The following AGBL1 variants were observed in gnomAD, a reference collection of about 807,000 sequenced individuals.
AGBL1 encodes the protein cytosolic carboxypeptidase 4.
Under a neutral mutation model 118.9 loss-of-function variants are expected in AGBL1, and 130 were observed. The ratio of observed to expected loss-of-function variants is 1.09; its 90% confidence interval spans 0.95 to 1.26. The LOEUF is 1.26. Ranked by LOEUF, AGBL1 falls within the 50% of genes most tolerant of loss-of-function variation. The pLI is 0.00. For missense variants in AGBL1, 1,584 were observed against 1,298.1 expected, an observed-to-expected ratio of 1.22 and a Z score of -3.38; for synonymous variants, 555 against 478.9, an observed-to-expected ratio of 1.16 and a Z score of -2.08.
In AGBL1 at chr15:86,796,829, A is replaced by C. The variant is rs118051735; in HGVS notation, c.3159-110258A>C. On this transcript the variant is annotated intron_variant, in intron 22 of 22. Coordinates refer to ENST00000614907, the MANE Select transcript of AGBL1 (RefSeq NM_001386094.1). The stretch of plus-strand genomic sequence containing the variant: ...GCGATACTGTCTGGCTCTTTATATG[A>C]AAATGTTTTCAAGCCCTGTTTTATG... Among the ~76,000 whole-genome samples, 329 of 152,284 alleles carry C rather than the reference A, an allele frequency of 2.2e-3. 14 individuals carry two copies. The East Asian group carries it at 0.06, about 28-fold the overall frequency.
chr15:86,257,068 A>T (rs1235336322), intron 8 of AGBL1, 50 bp downstream of exon 8: 1 of 1,557,432 alleles, frequency 6.4e-7, no homozygotes, highest in Non-Finnish European at 8.7e-7. Flanking sequence ...TTGCATTTTG[A>T]CCATGTTTCC....
intron 1 of AGBL1, among the ~76,000 whole-genome samples, chr15:86,135,142 G>A (rs1260407936): frequency 1.3e-5 from 2 of 152,100 alleles, no homozygotes. Context: ...TCACAGGAGC[G>A]GGTGAGTTCT....
Position 86,542,620 on chromosome 15 carries a change from G to A in AGBL1, c.2686-3382G>A, listed in dbSNP as rs562765860. On this transcript the variant is annotated intron_variant, in intron 19 of 22. Coordinates refer to ENST00000614907, the MANE Select transcript of AGBL1 (RefSeq NM_001386094.1). ...TGACCTCAGGTGATCTACCTGGCTC[G>A]GCCTCCCAAAGTGCTGGGATTTCCA... Among the ~76,000 whole-genome samples the A allele has an allele frequency of 3.6e-4, 55 of 152,090 alleles. 1 individual carries two copies. The highest frequency in any genetic ancestry group is 6.8e-4 in the Non-Finnish European group (46 of 67,966).
chr15:86,388,618 G>A (rs74027538), intron 17 of AGBL1, among the ~76,000 whole-genome samples: 1 of 152,140 alleles, frequency 6.6e-6, no homozygotes, highest in African/African-American at 2.4e-5. Flanking sequence ...ACTTTACATG[G>A]TACTTCTTCC....
At chr15:86,583,778 A>C (rs2084207777) in intron 21 of AGBL1, among the ~76,000 whole-genome samples, 1 of 152,170 alleles carries the variant, frequency 6.6e-6, no homozygotes, top group Non-Finnish European at 1.5e-5. Context: ...TGCTTTCCCT[A>C]GTGGCTGAAC....
intron 17 of AGBL1, among the ~76,000 whole-genome samples, chr15:86,322,584 G>T (rs373295482): frequency 6.6e-6 from 1 of 151,744 alleles, no homozygotes; most frequent in Admixed American, 6.6e-5. Context: ...TTGTAATATC[G>T]CATTACTAGT....
chr15:86,331,124 T>G (rs1463376434), intron 17 of AGBL1, among the ~76,000 whole-genome samples: 1 of 149,444 alleles, frequency 6.7e-6, no homozygotes, highest in African/African-American at 2.5e-5. Context: ...CTCAGGAGGC[T>G]GAGGCAGGAG....
At chr15:86,838,551 G>T (rs2079199077) in intron 22 of AGBL1, among the ~76,000 whole-genome samples, 1 of 152,088 alleles carries the variant, frequency 6.6e-6, no homozygotes, top group South Asian at 2.1e-4. Flanking sequence ...ATCTAAGGCT[G>T]GGTTCTCAGA....
intron 6 of AGBL1, among the ~76,000 whole-genome samples, chr15:86,239,164 G>C (rs185841726): frequency 1.1e-4 from 17 of 152,240 alleles, no homozygotes; most frequent in Admixed American, 1.1e-3. Flanking sequence ...TTAAAACAGT[G>C]GTCTGAAGTG....
At chr15:86,695,450 C>T (rs1300859097) in intron 22 of AGBL1, among the ~76,000 whole-genome samples, 1 of 151,894 alleles carries the variant, frequency 6.6e-6, no homozygotes, top group African/African-American at 2.4e-5. Context: ...TCTCCCATTT[C>T]GTTTCTAATT....
intron 21 of AGBL1, among the ~76,000 whole-genome samples, chr15:86,576,788 A>G (rs1030765296): frequency 1.3e-5 from 2 of 152,184 alleles, no homozygotes; most frequent in Admixed American, 1.3e-4. Context: ...TGGTTATCGT[A>G]AGGAGGAGTT....
At chr15:86,779,026 T>C (rs1170401423) in intron 22 of AGBL1, among the ~76,000 whole-genome samples, 3 of 152,212 alleles carry the variant, frequency 2.0e-5, no homozygotes, top group Non-Finnish European at 4.4e-5. Flanking sequence ...CCCTTCCAGG[T>C]TCCTGACTTC....
At chr15:86,704,608 G>C (rs1370675048) in intron 22 of AGBL1, among the ~76,000 whole-genome samples, 2 of 152,162 alleles carry the variant, frequency 1.3e-5, no homozygotes, top group African/African-American at 2.4e-5. Context: ...AGTTAGAATG[G>C]TGATTATTAA....
chr15:87,008,586 A>C (rs1054482020), intron 24 of AGBL1, among the ~76,000 whole-genome samples: 1 of 152,216 alleles, frequency 6.6e-6, no homozygotes, highest in Non-Finnish European at 1.5e-5. Context: ...ATTTGGAAGC[A>C]AATTTGGAAC....
At chr15:86,781,673 T>C (rs368174838) in intron 22 of AGBL1, among the ~76,000 whole-genome samples, 3 of 152,164 alleles carry the variant, frequency 2.0e-5, no homozygotes, top group Non-Finnish European at 2.9e-5. Flanking sequence ...AGTCGTTTCA[T>C]TGTAAGAAGA....
In AGBL1 at chr15:86,538,628, T is replaced by G. The variant is rs1294738149; in HGVS notation, c.2686-7374T>G. Among the ~76,000 whole-genome samples, 10 of 152,224 alleles carry G rather than the reference T, an allele frequency of 6.6e-5. No homozygotes were observed. The East Asian group carries it at 1.7e-3, about 26-fold the overall frequency. On this transcript the variant is annotated intron_variant, in intron 19 of 22. Transcript: ENST00000614907. ...GACACATTGCTGTTTTGGGTTTCCA[T>G]CATATTCTCAAATATATCTCCTCTA...
intron 18 of AGBL1, among the ~76,000 whole-genome samples, chr15:86,418,306 C>A (rs960163649): frequency 3.9e-5 from 6 of 152,268 alleles, no homozygotes; most frequent in South Asian, 4.1e-4. Context: ...GCCATTGAAC[C>A]CATCTTTCTT....
chr15:86,724,001 C>G (rs1261445219), intron 22 of AGBL1, among the ~76,000 whole-genome samples: 1 of 151,812 alleles, frequency 6.6e-6, no homozygotes, highest in Non-Finnish European at 1.5e-5. Context: ...TTTGGGAGGC[C>G]GAGGTGGGCG....
At chr15:86,546,309 C>G (rs963895886) in intron 20 of AGBL1, among the ~76,000 whole-genome samples, 176 bp downstream of exon 20, 1 of 151,900 alleles carries the variant, frequency 6.6e-6, no homozygotes, top group African/African-American at 2.4e-5. Flanking sequence ...GTAACCTCTC[C>G]TAATTTTTGT....
Sources: allele counts gnomAD v4.1 joint callset (sites outside exome capture counted in the v4.1 genomes callset), GRCh38; gene constraint gnomAD v4.1.1; transcripts MANE v1.5; gene names NCBI Gene and HGNC (gene_info 2026-07-23, HGNC 2026-07-21).